XRRA1: variants seen among roughly 807,000 people sequenced by gnomAD.
The protein encoded by XRRA1 is X-ray radiation resistance-associated protein 1.
Under a neutral mutation model 80.2 loss-of-function variants are expected in XRRA1, and 69 were observed. The ratio of observed to expected loss-of-function variants is 0.86; its 90% CI spans 0.71 to 1.05. The LOEUF (loss-of-function observed/expected upper bound fraction) is 1.05, where lower values mean the gene tolerates loss of function less well. Ranked by LOEUF, XRRA1 falls within the 50% of genes least tolerant of loss-of-function variation. The pLI, the probability that XRRA1 is intolerant of heterozygous loss-of-function variation, is 0.00. For missense variants in XRRA1, 967 were observed against 976.4 expected (o/e 0.99, Z 0.13); for synonymous variants, 348 against 389.9 (o/e 0.89, Z 1.27).
chr11:74,883,856 A>G (rs1259548787), intron 10 of XRRA1, among the ~76,000 whole-genome samples: 2 of 152,184 alleles, frequency 1.3e-5, no homozygotes, highest in Non-Finnish European at 2.9e-5. Flanking sequence ...GTGAGGGTAA[A>G]AGAGTCCTCA....
In XRRA1 at chr11:74,907,270, C is replaced by T. The variant is rs1275510677; in HGVS notation, c.660G>A (p.Glu220=). Residue 220 remains glutamate (E), a synonymous_variant, in exon 9 of 19, where the codon GAG becomes GAA. Transcript: ENST00000684022. ...TGCTTGTCAGCGATGTTACAGATGC[C>T]TCCCTGTGAGTGCAAAGATCTTGGG... ...LPPNLAVAEQ[E]ASVTSLTSKR... 2 of 1,613,702 alleles carry T rather than the reference C, an allele frequency of 1.2e-6. No homozygotes were observed. The highest frequency in any genetic ancestry group is 1.7e-5 in the Admixed American group (1 of 59,958).
chr11:74,861,356 T>C (rs79893151), intron 11 of XRRA1, among the ~76,000 whole-genome samples: 3,940 of 152,316 alleles, frequency 0.026, 144 homozygotes, highest in African/African-American at 0.091. Flanking sequence ...AATTACTGCC[T>C]GAGCTGCACC....
intron 5 of XRRA1, among the ~76,000 whole-genome samples, chr11:74,932,330 C>T (rs1356784306): frequency 2.0e-5 from 3 of 152,216 alleles, no homozygotes; most frequent in Non-Finnish European, 4.4e-5. Context: ...GGGTGTGTTT[C>T]CTGTGTAAGG....
chr11:74,916,340 G>A (rs189319522), intron 8 of XRRA1, among the ~76,000 whole-genome samples: 22 of 152,226 alleles, frequency 1.4e-4, no homozygotes, highest in African/African-American at 4.8e-4. Flanking sequence ...AGGTCCCTTA[G>A]GCTTTGTTCA....
chr11:74,944,846 A>C (rs1365739978), intron 2 of XRRA1, among the ~76,000 whole-genome samples, 172 bp downstream of exon 2: 1 of 152,218 alleles, frequency 6.6e-6, no homozygotes. Flanking sequence ...ATGACCAATC[A>C]CACACATCTG....
At chr11:74,913,962 T>G (rs1937622720) in intron 8 of XRRA1, among the ~76,000 whole-genome samples, 1 of 152,148 alleles carries the variant, frequency 6.6e-6, no homozygotes, top group Non-Finnish European at 1.5e-5. Context: ...TCACTGGCCT[T>G]TGTGGATTTT....
intron 18 of XRRA1, 35 bp from the exon 19 acceptor site, chr11:74,843,488 C>G (rs1360485739): frequency 1.3e-6 from 2 of 1,595,142 alleles, no homozygotes; most frequent in Non-Finnish European, 1.7e-6. Context: ...GCACCAAGCT[C>G]ATCCTGGTTC....
chr11:74,906,572 G>T, intron 9 of XRRA1, 116 bp from the exon 10 acceptor site: 1 of 1,170,852 alleles, frequency 8.5e-7, no homozygotes, highest in Non-Finnish European at 1.2e-6. Flanking sequence ...TTCCTCTTGT[G>T]TGACGTTGAG....
intron 12 of XRRA1, among the ~76,000 whole-genome samples, chr11:74,856,172 C>T (rs1275734961): frequency 6.6e-6 from 1 of 152,162 alleles, no homozygotes; most frequent in Non-Finnish European, 1.5e-5. Flanking sequence ...ATCTAACAAA[C>T]TTATTGAGCA....
chr11:74,903,755 A>G (rs2054026616), intron 10 of XRRA1, among the ~76,000 whole-genome samples: 1 of 152,228 alleles, frequency 6.6e-6, no homozygotes, highest in South Asian at 2.1e-4. Flanking sequence ...CAAGAAGGAA[A>G]GGTCTTAAAA....
intron 15 of XRRA1, among the ~76,000 whole-genome samples, chr11:74,846,452 T>C (rs140931799): frequency 2.3e-4 from 35 of 152,278 alleles, no homozygotes; most frequent in Non-Finnish European, 5.0e-4. Flanking sequence ...AGTATTACCC[T>C]GAAATCCAAA....
chr11:74,888,237 G>C (rs768503198), intron 10 of XRRA1, among the ~76,000 whole-genome samples: 4 of 152,156 alleles, frequency 2.6e-5, no homozygotes. Context: ...CCAGAGGAAC[G>C]ATCAAGCAGC....
intron 10 of XRRA1, among the ~76,000 whole-genome samples, chr11:74,872,730 A>G (rs1216640932): frequency 1.3e-5 from 2 of 151,918 alleles, no homozygotes; most frequent in Non-Finnish European, 2.9e-5. Context: ...TGGGGTTCAG[A>G]CCCCTGGCTC....
intron 8 of XRRA1, among the ~76,000 whole-genome samples, chr11:74,908,010 C>T (rs537046183): frequency 7.8e-4 from 118 of 152,252 alleles, no homozygotes; most frequent in African/African-American, 2.7e-3. Flanking sequence ...AACTCTCTTC[C>T]ACACAGGCAG....
At chr11:74,848,908 G>A (rs1249977334) in intron 14 of XRRA1, among the ~76,000 whole-genome samples, 11 of 152,236 alleles carry the variant, frequency 7.2e-5, no homozygotes, top group Admixed American at 3.3e-4. Context: ...AGGAGAGGGT[G>A]TTGGGGAATG....
chr11:74,859,222 G>A lies in XRRA1; in HGVS notation c.1106C>T (p.Ala369Val), dbSNP rs1255116490. 8.1e-6 allele frequency: 13 copies of A among 1,610,332 alleles called. No homozygotes were observed. The highest frequency in any genetic ancestry group is 9.3e-6 in the Non-Finnish European group (11 of 1,178,568). The part of the protein sequence containing the change: ...FEILPVKSLK[A>V]RNQTLAPPFP... ...GGGTGGGGCCAGCGTCTGGTTCCTG[G>A]CCTTCAGTGACTTCACAGGAAGGAT... The change falls in exon 12 of 19, where the codon GCC becomes GTC. Residue 369 changes from alanine to valine, a missense_variant. Physicochemically the swap from Ala to Val is moderately conservative, Grantham distance 64. Transcript: ENST00000684022.
rs552789579 is a variant in XRRA1 at position 74,903,616 on chromosome 11, T to C, written c.1003+2623A>G. On this transcript the variant is annotated intron_variant, in intron 10 of 18. Coordinates refer to ENST00000684022, the MANE Select transcript of XRRA1 (RefSeq NM_001378157.1). The stretch of plus-strand genomic sequence containing the variant: ...AACTCAAGAGGCTGAGGCAGGAGAA[T>C]GGCGAGAACCCAGGAGGCAGAGCTT... Among the ~76,000 whole-genome samples the C allele has an allele frequency of 9.2e-5, 14 of 152,210 alleles. No homozygotes were observed. In the South Asian group the frequency reaches 2.3e-3, roughly 25 times the overall value.
At chr11:74,872,287 AG>A (rs1055910936) in intron 10 of XRRA1, among the ~76,000 whole-genome samples, 2 of 152,184 alleles carry the variant, frequency 1.3e-5, no homozygotes, top group African/African-American at 4.8e-5. Context: ...TCCCCTACTC[AG>A]TCAAGGGACA....
chr11:74,844,258 C>A lies in XRRA1; in HGVS notation c.1953G>T (p.Leu651=). 6.2e-7 allele frequency: 1 copy of A among 1,613,346 alleles called. No individual in the cohort carries two copies. Among genetic ancestry groups the A allele is most frequent in the East Asian group, 2.2e-5 (1 of 44,870 alleles). ...PKGIQKNAQA[L]QQMLKHPLLC... ...GGAGTGGGTGCTTCAGCATTTGTTG[C>A]AGGGCTTGTGCATTCTTCTGGATTC... Residue 651 remains leucine (L), a synonymous_variant, in exon 17 of 19, where the codon CTG becomes CTT. Coordinates refer to ENST00000684022, the MANE Select transcript of XRRA1 (RefSeq NM_001378157.1).
Sources: allele counts gnomAD v4.1 joint callset (sites outside exome capture counted in the v4.1 genomes callset), GRCh38; gene constraint gnomAD v4.1.1; transcripts MANE v1.5; gene names NCBI Gene and HGNC (gene_info 2026-07-23, HGNC 2026-07-21).